Variants in MAP2K5 observed in about 807,000 individuals in gnomAD.
The protein encoded by MAP2K5 is dual specificity mitogen-activated protein kinase kinase 5.
MAP2K5 carries 49 observed loss-of-function variants against 83.1 expected under a neutral mutation model. That is an observed-to-expected ratio of 0.59 (90% CI 0.47 to 0.75). MAP2K5 has a LOEUF of 0.75. Among genes scored for constraint, MAP2K5 ranks in the 30% least tolerant of loss-of-function variants. The probability of loss-of-function intolerance (pLI) is 0.00; values close to 1 mark genes in which losing one functional copy is unlikely to be tolerated. For synonymous variants in MAP2K5, 202 were observed against 191.8 expected (o/e 1.05, Z -0.44); for missense variants, 457 against 557.5 (o/e 0.82, Z 1.82).
At chr15:67,627,009 T>A (rs2086340980) in intron 8 of MAP2K5, among the ~76,000 whole-genome samples, 4 of 79,706 alleles carry the variant, frequency 5.0e-5, no homozygotes, top group Admixed American at 3.9e-4. Flanking sequence ...CATAGCTCAC[T>A]GCAGCCTGAC....
At chr15:67,701,437 CAG>C (rs369348672) in intron 15 of MAP2K5, among the ~76,000 whole-genome samples, 4 of 152,060 alleles carry the variant, frequency 2.6e-5, no homozygotes, top group African/African-American at 7.3e-5. Context: ...GACTAGAAAA[CAG>C]ATGATTTTAC....
chr15:67,543,451 TA>T lies in MAP2K5; in HGVS notation c.117del (p.Leu39PhefsTer9). ...VDWTVHSGPQ[L>X]LFRDVLDVIG... ...TGGACAGTGCACTCCGGGCCGCAGT[TA>T]CTCTTCAGGGATGTGCTGGTGAGTG... is the stretch of plus-strand genomic sequence containing the variant. On this transcript the variant is annotated frameshift_variant, in exon 1 of 22. Coordinates refer to ENST00000178640, the MANE Select transcript of MAP2K5 (RefSeq NM_145160.3). LOFTEE classifies it high-confidence loss of function. The surrounding 1 kb of genome is among the most constrained non-coding windows in gnomAD (Gnocchi z 4.3). 2 of 1,614,146 alleles carry T rather than the reference TA, an allele frequency of 1.2e-6. No individual in the cohort carries two copies. The highest frequency in any genetic ancestry group is 1.7e-6 in the Non-Finnish European group (2 of 1,180,016).
At chr15:67,595,339 T>C (rs1270972091) in intron 7 of MAP2K5, among the ~76,000 whole-genome samples, 1 of 152,234 alleles carries the variant, frequency 6.6e-6, no homozygotes, top group Non-Finnish European at 1.5e-5. Flanking sequence ...CCGATTAGTC[T>C]CTGCTCTATA....
chr15:67,604,853 G>A (rs981651798), intron 8 of MAP2K5, among the ~76,000 whole-genome samples: 5 of 151,660 alleles, frequency 3.3e-5, no homozygotes, highest in African/African-American at 1.2e-4. Flanking sequence ...CGAGATTGTG[G>A]CACTGTACTC....
chr15:67,665,649 G>T lies in MAP2K5; in HGVS notation c.847+1004G>T, dbSNP rs557084907. 2.0e-5 allele frequency among the ~76,000 whole-genome samples: 3 copies of T among 152,194 alleles called. No individual in the cohort carries two copies. Among genetic ancestry groups the T allele is most frequent in the South Asian group, 2.1e-4 (1 of 4,814 alleles). ...TCTGAAATCCTCCTTTTTAATGAGG[G>T]TATCTAGATTTTGACAAATCAAATA... is the stretch of plus-strand genomic sequence containing the variant. On this transcript the variant is annotated intron_variant, in intron 13 of 21. Transcript: ENST00000178640. The surrounding 1 kb of genome is among the most constrained non-coding windows in gnomAD (Gnocchi z 4.2).
chr15:67,732,330 A>C (rs2141252629), intron 17 of MAP2K5, among the ~76,000 whole-genome samples: 1 of 152,328 alleles, frequency 6.6e-6, no homozygotes, highest in South Asian at 2.1e-4. Flanking sequence ...CAAACTTTAC[A>C]ACAGTGCCCT....
Position 67,768,947 on chromosome 15 carries a change from C to T in MAP2K5, c.1135-655C>T, listed in dbSNP as rs986800116. 1.3e-5 allele frequency among the ~76,000 whole-genome samples: 2 copies of T among 152,072 alleles called. No individual in the cohort carries two copies. Among genetic ancestry groups the T allele is most frequent in the African/African-American group, 4.8e-5 (2 of 41,406 alleles). ...TAGTTTTCTGCTTTTTTGACTGACTCCCACCTCCATCCTAGTTTTGGTTGG... is the reference window on the plus strand; with the variant it reads ...TAGTTTTCTGCTTTTTTGACTGACTTCCACCTCCATCCTAGTTTTGGTTGG... On this transcript the variant is annotated intron_variant, in intron 19 of 21. Coordinates refer to ENST00000178640, the MANE Select transcript of MAP2K5 (RefSeq NM_145160.3). The surrounding 1 kb of genome is among the most constrained non-coding windows in gnomAD (Gnocchi z 4.0).
rs2090086945 is a variant in MAP2K5 at position 67,768,633 on chromosome 15, G to GA, written c.1135-963dup. Among the ~76,000 whole-genome samples the GA allele has an allele frequency of 6.6e-6, 1 of 152,096 alleles. No homozygotes were observed. The highest frequency in any genetic ancestry group is 6.5e-5 in the Admixed American group (1 of 15,270). ...CACTTTGTGTAGGGATGTCAGGGAG[G>GA]AAAAAAGCCGCCGAAAGGTATTTTT... On this transcript the variant is annotated intron_variant, in intron 19 of 21. Coordinates refer to ENST00000178640, the MANE Select transcript of MAP2K5 (RefSeq NM_145160.3). This position sits in a 1 kb window ranked among gnomAD's most constrained non-coding sequence, Gnocchi z 4.0.
intron 17 of MAP2K5, among the ~76,000 whole-genome samples, chr15:67,733,344 G>T (rs1458907745): frequency 6.6e-6 from 1 of 152,086 alleles, no homozygotes; most frequent in South Asian, 2.1e-4. Flanking sequence ...TTCTTGTAAC[G>T]ATCCAGTTTA....
chr15:67,590,103 G>A (rs1046615520), intron 6 of MAP2K5, among the ~76,000 whole-genome samples: 19 of 152,074 alleles, frequency 1.2e-4, no homozygotes, highest in Non-Finnish European at 2.4e-4. Context: ...TTAGTGCATC[G>A]ATTCTTAGAT....
intron 17 of MAP2K5, among the ~76,000 whole-genome samples, chr15:67,734,595 T>C (rs989784168): frequency 1.3e-5 from 2 of 152,204 alleles, no homozygotes; most frequent in African/African-American, 4.8e-5. Flanking sequence ...TTGTTACTAA[T>C]TCTAATGTTG....
chr15:67,657,027 A>C (rs553168014), intron 11 of MAP2K5, among the ~76,000 whole-genome samples: 20 of 152,328 alleles, frequency 1.3e-4, no homozygotes, highest in African/African-American at 4.1e-4. Context: ...GGACAAAATG[A>C]ATCAGTGATG....
At chr15:67,582,055 A>ATTTTTTTTTTTTTTT (rs1233297576) in intron 4 of MAP2K5, among the ~76,000 whole-genome samples, 1 of 134,866 alleles carries the variant, frequency 7.4e-6, no homozygotes. Context: ...GATGTAGATG[A>ATTTTTTTTTTTTTTT]TTTCTTTTTT....
In MAP2K5 at chr15:67,673,703, A is replaced by G. The variant is rs1316561327; in HGVS notation, c.847+9058A>G. ...AAACTAACCTGATTAATTTTTAATG[A>G]TTTATTAAAAGATAATTTGCATAAA... On this transcript the variant is annotated intron_variant, in intron 13 of 21. Transcript: ENST00000178640. 3.3e-5 allele frequency among the ~76,000 whole-genome samples: 5 copies of G among 152,240 alleles called. No individual in the cohort carries two copies. The East Asian group carries it at 7.7e-4, about 23-fold the overall frequency.
intron 16 of MAP2K5, 34 bp downstream of exon 16, chr15:67,703,442 A>G (rs2088471197): frequency 6.7e-7 from 1 of 1,488,154 alleles, no homozygotes; most frequent in Admixed American, 1.7e-5. Flanking sequence ...TTCTGTGCAT[A>G]TCTGTACTAA....
intron 19 of MAP2K5, among the ~76,000 whole-genome samples, chr15:67,753,619 A>C (rs2089769866): frequency 1.3e-5 from 2 of 152,214 alleles, no homozygotes; most frequent in African/African-American, 4.8e-5. Flanking sequence ...AGGAAATGCA[A>C]ATCAAAACCA....
At chr15:67,663,401 A>G (rs183907673) in intron 12 of MAP2K5, among the ~76,000 whole-genome samples, 1 of 152,242 alleles carries the variant, frequency 6.6e-6, no homozygotes, top group East Asian at 1.9e-4. Context: ...GGAAGAGTAC[A>G]TTGCCCAGTA....
intron 13 of MAP2K5, among the ~76,000 whole-genome samples, chr15:67,683,617 C>G (rs530216175): frequency 2.2e-4 from 33 of 152,184 alleles, no homozygotes; most frequent in African/African-American, 7.2e-4. Flanking sequence ...CAAAAATTAA[C>G]TGGGCTTGTT....
At chr15:67,658,509 C>A in intron 11 of MAP2K5, 44 bp from the exon 12 acceptor site, 1 of 1,457,956 alleles carries the variant, frequency 6.9e-7, no homozygotes, top group South Asian at 1.1e-5. Flanking sequence ...GTGCATTGTT[C>A]TGGTAATTTC....
Sources: allele counts gnomAD v4.1 joint callset (sites outside exome capture counted in the v4.1 genomes callset), GRCh38; gene constraint gnomAD v4.1.1; non-coding constraint Gnocchi (gnomAD v3.1); transcripts MANE v1.5; gene names NCBI Gene and HGNC (gene_info 2026-07-23, HGNC 2026-07-21).